The following OTOG variants were observed in gnomAD, a reference collection of about 807,000 sequenced individuals.
OTOG encodes otogelin.
OTOG carries 296 observed loss-of-function variants against 313.8 expected under a neutral mutation model. The ratio of observed to expected loss-of-function variants is 0.94; its 90% CI spans 0.86 to 1.04. The LOEUF (loss-of-function observed/expected upper bound fraction) is 1.04, where lower values mean the gene tolerates loss of function less well. Among genes scored for constraint, OTOG ranks in the 50% least tolerant of loss-of-function variants. The pLI, the probability that OTOG is intolerant of heterozygous loss-of-function variation, is 0.00. For synonymous variants in OTOG, 1,533 were observed against 1,554.9 expected (o/e 0.99, Z 0.33); for missense variants, 3,948 against 3,840.1 (o/e 1.03, Z -0.74).
In OTOG at chr11:17,636,393, ATAT is replaced by A. The variant is rs1371961837; in HGVS notation, c.7795+687_7795+689del. Among the ~76,000 whole-genome samples the A allele has an allele frequency of 3.3e-5, 5 of 152,332 alleles. No homozygotes were observed. The East Asian group carries it at 7.7e-4, about 23-fold the overall frequency. ...AAATGAACAAAATGGTTCTATTTAA[ATAT>A]TATTCAATTTACAAAAATTGCTTTG... On this transcript the variant is annotated intron_variant, in intron 47 of 55. Coordinates refer to ENST00000399397, the MANE Select transcript of OTOG (RefSeq NM_001292063.2).
intron 39 of OTOG, among the ~76,000 whole-genome samples, chr11:17,620,823 T>C (rs903005641): frequency 6.6e-6 from 1 of 152,198 alleles, no homozygotes; most frequent in Admixed American, 6.5e-5. Context: ...AATTCTGTGC[T>C]TCATTTCAGA....
chr11:17,555,676 C>T lies in OTOG; in HGVS notation c.541-103C>T, dbSNP rs4757544. ...TCACAGAGGAAAGGCAGTTGGTATGCAGGGGACAGCCATCGGCATTAGTGA... is the reference window on the plus strand; with the variant it reads ...TCACAGAGGAAAGGCAGTTGGTATGTAGGGGACAGCCATCGGCATTAGTGA... On this transcript the variant is annotated intron_variant, in intron 6 of 55. Transcript: ENST00000399397. 147,889 of 859,554 alleles carry T rather than the reference C, an allele frequency of 0.17. 13,529 individuals carry two copies. The highest frequency in any genetic ancestry group is 0.27 in the Middle Eastern group (786 of 2,962). 53.2% of individuals were successfully genotyped at this position (859,554 alleles called of 1,614,324 possible).
At chr11:17,565,825 G>T (rs771848264) in intron 15 of OTOG, among the ~76,000 whole-genome samples, 10 of 152,106 alleles carry the variant, frequency 6.6e-5, no homozygotes, top group Non-Finnish European at 1.0e-4. Flanking sequence ...TATGCTAGTG[G>T]TGGTGGGGCT....
intron 14 of OTOG, among the ~76,000 whole-genome samples, 193 bp downstream of exon 14, chr11:17,561,330 T>C (rs1407351044): frequency 6.6e-6 from 1 of 152,220 alleles, no homozygotes; most frequent in Non-Finnish European, 1.5e-5. Flanking sequence ...CAGGAAGGGT[T>C]TTCCATGAGG....
intron 14 of OTOG, 149 bp downstream of exon 14, chr11:17,561,286 CTT>C: frequency 1.0e-6 from 1 of 1,001,330 alleles, no homozygotes; most frequent in Non-Finnish European, 1.5e-6. Context: ...CTCAGAATCA[CTT>C]TGCCTGATTA....
At position 17,591,467 on chromosome 11, in the gene OTOG, C is replaced by T. The variant is rs750521452; in HGVS notation, c.2885C>T (p.Ser962Leu). The change falls in exon 25 of 56, where the codon TCA (serine) becomes TTA (leucine). Residue 962 changes from serine (S) to leucine (L), a missense_variant. Transcript: ENST00000399397. ...TTTTTCAGTGTGTGCCAGCGGGGCT[C>T]ATTCCAGTGCACCCTGCACCCTTGC... ...PCHTCVCQRG[S>L]FQCTLHPCAS... The T allele has an allele frequency of 1.7e-5, 27 of 1,550,610 alleles. No individual in the cohort carries two copies. Among genetic ancestry groups the T allele is most frequent in the Non-Finnish European group, 2.2e-5 (25 of 1,147,034 alleles).
chr11:17,563,543 C>G (rs972598950), intron 15 of OTOG, among the ~76,000 whole-genome samples: 1 of 152,234 alleles, frequency 6.6e-6, no homozygotes, highest in African/African-American at 2.4e-5. Context: ...GGAGACTGCT[C>G]TTCCTCAAAA....
intron 15 of OTOG, among the ~76,000 whole-genome samples, chr11:17,567,076 G>A (rs1252572876): frequency 6.6e-6 from 1 of 152,162 alleles, no homozygotes; most frequent in Non-Finnish European, 1.5e-5. Context: ...TCTCTGTTTT[G>A]CAGAGGAGAG....
intron 17 of OTOG, 143 bp downstream of exon 17, chr11:17,570,533 T>A: frequency 1.3e-6 from 1 of 772,628 alleles, no homozygotes; most frequent in Non-Finnish European, 2.0e-6. Flanking sequence ...TCTCTACATT[T>A]AAATTTAATT....
chr11:17,641,167 G>C (rs1342686764), intron 51 of OTOG, 76 bp downstream of exon 51: 1 of 1,440,524 alleles, frequency 6.9e-7, no homozygotes, highest in East Asian at 2.5e-5. Flanking sequence ...CCAGGAGCCA[G>C]AGGGGCCCTT....
At chr11:17,560,615 G>C in intron 12 of OTOG, 94 bp from the exon 13 acceptor site, 1 of 873,158 alleles carries the variant, frequency 1.1e-6, no homozygotes, top group South Asian at 1.6e-5. Flanking sequence ...AAAGAAGTTA[G>C]ATAAGGGGAT....
chr11:17,567,774 CCTT>C (rs983001429), intron 15 of OTOG, among the ~76,000 whole-genome samples: 26 of 152,200 alleles, frequency 1.7e-4, no homozygotes, highest in Non-Finnish European at 2.1e-4. Flanking sequence ...CTGGATGTCT[CCTT>C]CTTCTTCTTC....
rs1416960576 is a variant in OTOG, at chr11:17,611,365, AG to A, written c.6068del (p.Gly2023ValfsTer36). The A allele has an allele frequency of 5.2e-6, 8 of 1,546,958 alleles. No individual in the cohort carries two copies. In the East Asian group the frequency reaches 1.2e-4, roughly 24 times the overall value. ...TCAGCCCCAGCCCTGAGCATCGTAG[AG>A]GGTTTGGCGGAGGCTTTGGCAACTA... ...GRSAPALSIV[E>X]GLAEALATTT... is the part of the protein sequence containing the mutation. On this transcript the variant is annotated frameshift_variant, in exon 36 of 56. Coordinates refer to ENST00000399397, the MANE Select transcript of OTOG (RefSeq NM_001292063.2). LOFTEE classifies it high-confidence loss of function.
intron 22 of OTOG, among the ~76,000 whole-genome samples, 193 bp downstream of exon 22, chr11:17,577,104 C>G (rs1852547081): frequency 6.6e-6 from 1 of 152,230 alleles, no homozygotes; most frequent in Admixed American, 6.5e-5. Flanking sequence ...CCAGCCTCAG[C>G]CCCACCCTAG....
At chr11:17,613,397 C>CTTCCCTCCTTCCTTCCTTCCTTCCTT (rs1853645541) in intron 38 of OTOG, among the ~76,000 whole-genome samples, 1 of 138,506 alleles carries the variant, frequency 7.2e-6, no homozygotes, top group Admixed American at 7.5e-5. Flanking sequence ...TCCTTCCTTC[C>CTTCCCTCCTTCCTTCCTTCCTTCCTT]TTTTTTTCTG....
At chr11:17,587,103 T>C (rs935310317) in intron 24 of OTOG, among the ~76,000 whole-genome samples, 3 of 152,264 alleles carry the variant, frequency 2.0e-5, no homozygotes, top group Admixed American at 1.3e-4. Context: ...GCTATACATA[T>C]TTGTATTCAC....
At chr11:17,620,960 A>G (rs577736020) in intron 39 of OTOG, among the ~76,000 whole-genome samples, 1 of 152,276 alleles carries the variant, frequency 6.6e-6, no homozygotes, top group South Asian at 2.1e-4. Flanking sequence ...GGGTCTTTTT[A>G]TATCATGAAC....
chr11:17,581,986 G>A (rs748471753), intron 23 of OTOG, among the ~76,000 whole-genome samples: 1 of 152,080 alleles, frequency 6.6e-6, no homozygotes, highest in Non-Finnish European at 1.5e-5. Flanking sequence ...GACCTACCTT[G>A]TTGCATCTAT....
chr11:17,635,752 G>T, intron 47 of OTOG, 41 bp downstream of exon 47: 1 of 1,501,890 alleles, frequency 6.7e-7, no homozygotes, highest in South Asian at 1.2e-5. Context: ...CGGCAGGAAG[G>T]GGCCCTTCAC....
Sources: allele counts gnomAD v4.1 joint callset (sites outside exome capture counted in the v4.1 genomes callset), GRCh38; gene constraint gnomAD v4.1.1; transcripts MANE v1.5; gene names NCBI Gene and HGNC (gene_info 2026-07-23, HGNC 2026-07-21).